MIOS: variants seen among roughly 807,000 people sequenced by gnomAD.
MIOS encodes the protein GATOR2 complex protein MIOS.
A neutral mutation model predicts 96.9 loss-of-function variants in MIOS; 52 were observed. That is an observed-to-expected ratio of 0.54 (90% CI 0.43 to 0.68). The LOEUF is 0.68. Among genes scored for constraint, MIOS ranks in the 30% least tolerant of loss-of-function variants. The pLI is 0.00. For missense variants in MIOS, 1,005 were observed against 1,052.8 expected, an observed-to-expected ratio of 0.95 and a Z score of 0.63; for synonymous variants, 397 against 359.5, an observed-to-expected ratio of 1.10 and a Z score of -1.18.
At position 7,579,823 on chromosome 7, in the gene MIOS, C is replaced by A. The variant is rs181350118; in HGVS notation, c.1394-3295C>A. Among the ~76,000 whole-genome samples, 214 of 152,284 alleles carry A rather than the reference C, an allele frequency of 1.4e-3. 1 individual carries two copies. The highest frequency in any genetic ancestry group is 5.0e-3 in the African/African-American group (208 of 41,554). On this transcript the variant is annotated intron_variant, in intron 5 of 12. Coordinates refer to ENST00000340080, the MANE Select transcript of MIOS (RefSeq NM_019005.4). ...CCAGGTGTGTAGTGGGCTATGCCAT[C>A]TAGGTTTGTGTAAGTACACTGTGAT...
At chr7:7,577,427 T>C (rs1275811063) in intron 5 of MIOS, among the ~76,000 whole-genome samples, 1 of 152,096 alleles carries the variant, frequency 6.6e-6, no homozygotes, top group Non-Finnish European at 1.5e-5. Flanking sequence ...TTGAAGGAAT[T>C]TGACTATATA....
chr7:7,600,118 C>T (rs1030204539), intron 11 of MIOS, among the ~76,000 whole-genome samples: 16 of 151,822 alleles, frequency 1.1e-4, no homozygotes, highest in Admixed American at 3.3e-4. Context: ...CCCCATGACA[C>T]GCAATTTACC....
intron 5 of MIOS, among the ~76,000 whole-genome samples, chr7:7,578,735 G>GTC (rs978774920): frequency 6.6e-5 from 10 of 151,268 alleles, no homozygotes; most frequent in African/African-American, 1.7e-4. Flanking sequence ...TGGAGACAGA[G>GTC]TCTCTCTCTC....
chr7:7,572,552 G>T lies in MIOS; in HGVS notation c.77G>T (p.Ser26Ile). The T allele has an allele frequency of 6.2e-7, 1 of 1,614,092 alleles. No homozygotes were observed. ...TTTGTTGTGTGTGACTCAGAACTAA[G>T]TCTTTATCATGTGGAATCTACTGTG... ...DRFVVCDSELSLYHVESTVNS... is the reference protein window; with the variant it reads ...DRFVVCDSELILYHVESTVNS... The change falls in exon 4 of 13, where the codon AGT (serine) becomes ATT (isoleucine). Residue 26 changes from serine to isoleucine, a missense_variant. Ser to Ile is a moderately radical substitution (Grantham distance 142, BLOSUM62 -2). Coordinates refer to ENST00000340080, the MANE Select transcript of MIOS (RefSeq NM_019005.4). The surrounding 1 kb of genome is among the most constrained non-coding windows in gnomAD (Gnocchi z 4.8).
At chr7:7,597,523 C>G (rs1320472947) in intron 11 of MIOS, among the ~76,000 whole-genome samples, 1 of 48,236 alleles carries the variant, frequency 2.1e-5, no homozygotes, top group Non-Finnish European at 4.3e-5. Flanking sequence ...TATATGAAGG[C>G]AATACGTAAT....
In MIOS at chr7:7,572,486, C is replaced by G. The variant is rs1783387345; in HGVS notation, c.11C>G (p.Thr4Ser). The G allele has an allele frequency of 6.2e-7, 1 of 1,612,544 alleles. No individual in the cohort carries two copies. Among genetic ancestry groups the G allele is most frequent in the Non-Finnish European group, 8.5e-7 (1 of 1,178,888 alleles). ...ATCACATCAGTAAACATGAGCGGTA[C>G]CAAACCTGATATTTTATGGGCACCA... Reference protein sequence around the residue: MSGTKPDILWAPHH... With the variant: MSGSKPDILWAPHH... The change falls in exon 4 of 13, where the codon ACC (threonine) becomes AGC (serine). Residue 4 changes from threonine to serine, a missense_variant. Thr to Ser is a moderately conservative substitution (Grantham distance 58). Coordinates refer to ENST00000340080, the MANE Select transcript of MIOS (RefSeq NM_019005.4). The surrounding 1 kb of genome is among the most constrained non-coding windows in gnomAD (Gnocchi z 4.8).
chr7:7,583,469 A>G, intron 6 of MIOS, 97 bp downstream of exon 6: 5 of 1,273,314 alleles, frequency 3.9e-6, no homozygotes, highest in Non-Finnish European at 5.2e-6. Context: ...TCAAATATCT[A>G]ATCACTTAAA....
chr7:7,587,761 C>T lies in MIOS; in HGVS notation c.1819-737C>T, dbSNP rs559651767. On this transcript the variant is annotated intron_variant, in intron 7 of 12. Transcript: ENST00000340080. Reference sequence around the variant, plus strand: ...AGATATAGGTATCAACTGAAGTGATCTTACGGTTAAAAAAGTAAAATTTTC... The same window carrying T: ...AGATATAGGTATCAACTGAAGTGATTTTACGGTTAAAAAAGTAAAATTTTC... Among the ~76,000 whole-genome samples, 8 of 152,150 alleles carry T rather than the reference C, an allele frequency of 5.3e-5. No individual in the cohort carries two copies. In the East Asian group the frequency reaches 1.5e-3, roughly 29 times the overall value.
Position 7,607,175 on chromosome 7 carries a change from A to G in MIOS, c.*83A>G, listed in dbSNP as rs755803901. The G allele has an allele frequency of 9.7e-7, 1 of 1,031,442 alleles. No individual in the cohort carries two copies. Among genetic ancestry groups the G allele is most frequent in the South Asian group, 1.4e-5 (1 of 69,312 alleles). The allele number at this position is 1,031,442 out of a possible 1,614,324, so 63.9% of individuals were successfully genotyped here. On this transcript the variant is annotated 3_prime_UTR_variant, in exon 13 of 13. Transcript: ENST00000340080. ...ATAGCTCAGAAACATACCTCAGAAC[A>G]AGCCATTCATGACTTACCTGTAATG...
intron 5 of MIOS, among the ~76,000 whole-genome samples, chr7:7,576,193 A>C (rs1028296580): frequency 2.0e-5 from 3 of 152,170 alleles, no homozygotes; most frequent in African/African-American, 7.2e-5. Context: ...TTACAACTAC[A>C]ATATGAAGTA....
chr7:7,589,637 T>C (rs1214004006), intron 9 of MIOS, 74 bp downstream of exon 9: 2 of 1,487,870 alleles, frequency 1.3e-6, no homozygotes, highest in African/African-American at 1.4e-5. Context: ...TGAAAGTAAA[T>C]ATGCACTTTT....
At position 7,573,716 on chromosome 7, in the gene MIOS, T is replaced by C. The variant is rs1434114145; in HGVS notation, c.1241T>C (p.Ile414Thr). The C allele has an allele frequency of 6.2e-7, 1 of 1,611,984 alleles. No homozygotes were observed. The highest frequency in any genetic ancestry group is 1.3e-5 in the African/African-American group (1 of 74,806). Residue 414 changes from isoleucine (I) to threonine (T), a missense_variant, in exon 4 of 13, where the codon ATT (isoleucine) becomes ACT (threonine). Transcript: ENST00000340080. The surrounding 1 kb of genome is among the most constrained non-coding windows in gnomAD (Gnocchi z 5.0). The part of the protein sequence containing the change: ...LDTEQVWRNH[I>T]LAGNEDPQLK... ...ACAGAGCAGGTGTGGAGGAACCACA[T>C]TTTAGCTGGAAATGAAGATCCACAG... is the stretch of plus-strand genomic sequence containing the variant.
chr7:7,581,722 CCTT>C (rs1380762173), intron 5 of MIOS: 1 of 152,172 alleles, frequency 6.6e-6, no homozygotes, highest in Non-Finnish European at 1.5e-5. Context: ...TGCCACGTGG[CCTT>C]CTCACAGACC....
chr7:7,584,196 TA>T (rs566871034), intron 6 of MIOS, among the ~76,000 whole-genome samples: 3 of 152,208 alleles, frequency 2.0e-5, no homozygotes, highest in African/African-American at 7.2e-5. Context: ...GTCTAAAAGT[TA>T]AAAAAGTCAA....
At chr7:7,591,298 T>G (rs1217159436) in intron 9 of MIOS, among the ~76,000 whole-genome samples, 2 of 28,704 alleles carry the variant, frequency 7.0e-5, no homozygotes, top group Non-Finnish European at 1.5e-4. Context: ...TTTTGTTGGG[T>G]TTTTTTTTTT....
At chr7:7,578,037 T>C (rs888368535) in intron 5 of MIOS, among the ~76,000 whole-genome samples, 8 of 152,126 alleles carry the variant, frequency 5.3e-5, no homozygotes, top group Non-Finnish European at 1.2e-4. Flanking sequence ...GTGAAAAATA[T>C]AAGGAAGTGA....
chr7:7,608,883 A>C lies in MIOS; in HGVS notation c.*1791A>C, dbSNP rs1345117080. On this transcript the variant is annotated 3_prime_UTR_variant, in exon 13 of 13. Coordinates refer to ENST00000340080, the MANE Select transcript of MIOS (RefSeq NM_019005.4). ...CCTAATATATGAGGGTGACATTTTTAAGATTGTATGTATGTGTCAACCTCT... is the reference window on the plus strand; with the variant it reads ...CCTAATATATGAGGGTGACATTTTTCAGATTGTATGTATGTGTCAACCTCT... 2.0e-5 allele frequency: 3 copies of C among 152,080 alleles called. No homozygotes were observed. Among genetic ancestry groups the C allele is most frequent in the African/African-American group, 7.2e-5 (3 of 41,444 alleles). The allele number at this position is 152,080 out of a possible 1,614,324, so 9.4% of individuals were successfully genotyped here. A position where few individuals can be genotyped will look rare whatever the true frequency, so the allele number is the denominator to read the frequency against.
chr7:7,596,474 T>C lies in MIOS; in HGVS notation c.2401+13T>C. 3.7e-6 allele frequency: 6 copies of C among 1,603,930 alleles called. No homozygotes were observed. Among genetic ancestry groups the C allele is most frequent in the African/African-American group, 1.3e-5 (1 of 74,774 alleles). On this transcript the variant is annotated intron_variant, in intron 11 of 12. Transcript: ENST00000340080. The stretch of plus-strand genomic sequence containing the variant: ...TCTAGCTGTCCTGGTATGACATAAT[T>C]TTACAAAATACTTTTATGAACTGAA...
intron 11 of MIOS, among the ~76,000 whole-genome samples, chr7:7,597,280 C>T (rs759647680): frequency 7.3e-5 from 11 of 150,468 alleles, no homozygotes; most frequent in African/African-American, 1.5e-4. Flanking sequence ...GAGCCAAGAT[C>T]ATGCCACTGC....
Sources: allele counts gnomAD v4.1 joint callset (sites outside exome capture counted in the v4.1 genomes callset), GRCh38; gene constraint gnomAD v4.1.1; non-coding constraint Gnocchi (gnomAD v3.1); transcripts MANE v1.5; gene names NCBI Gene and HGNC (gene_info 2026-07-23, HGNC 2026-07-21).